Variants in UBR3 observed in about 807,000 individuals in gnomAD.
UBR3 encodes the protein ubiquitin protein ligase E3 component n-recognin 3, also known as E3 ubiquitin-protein ligase UBR3.
In UBR3, 85 loss-of-function variants were observed where a neutral mutation model predicts 243.2. The observed-to-expected ratio is 0.35, with a 90% CI of 0.29 to 0.42. The LOEUF (loss-of-function observed/expected upper bound fraction) is 0.42, where lower values mean the gene tolerates loss of function less well. Among genes scored for constraint, UBR3 ranks in the 10% least tolerant of loss-of-function variants. The pLI, the probability that UBR3 is intolerant of heterozygous loss-of-function variation, is 1.00. For missense variants in UBR3, 1,686 were observed against 2,300.8 expected, an observed-to-expected ratio of 0.73 and a Z score of 5.47; for synonymous variants, 748 against 799.8, an observed-to-expected ratio of 0.94 and a Z score of 1.09.
chr2:170,053,432 T>G (rs1043987592), intron 32 of UBR3, among the ~76,000 whole-genome samples: 1 of 152,204 alleles, frequency 6.6e-6, no homozygotes, highest in Non-Finnish European at 1.5e-5. Flanking sequence ...ACATCCTGTG[T>G]GGTTCTACTG....
intron 5 of UBR3, among the ~76,000 whole-genome samples, chr2:169,886,454 A>G (rs1204937278): frequency 6.6e-6 from 1 of 152,170 alleles, no homozygotes; most frequent in African/African-American, 2.4e-5. Context: ...ATATTGTGTT[A>G]AATATTGTAA....
chr2:169,903,585 T>C (rs1446175091), intron 8 of UBR3, among the ~76,000 whole-genome samples: 16 of 152,244 alleles, frequency 1.1e-4, no homozygotes, highest in Admixed American at 8.5e-4. Flanking sequence ...GTTAAACTTA[T>C]TTAATATTTG....
At chr2:169,846,735 TTAAAG>T (rs1331269397) in intron 1 of UBR3, among the ~76,000 whole-genome samples, 3 of 152,054 alleles carry the variant, frequency 2.0e-5, no homozygotes, top group Non-Finnish European at 4.4e-5. Context: ...AAATCTTCTT[TTAAAG>T]TATTTTTTTG....
chr2:169,925,879 A>C (rs967207298), intron 14 of UBR3, 132 bp downstream of exon 14: 3 of 890,364 alleles, frequency 3.4e-6, no homozygotes, highest in Non-Finnish European at 4.7e-6. Context: ...TTTTACTTAC[A>C]TTTCCCAGGA....
At chr2:169,945,726 A>G (rs1412811300) in intron 20 of UBR3, among the ~76,000 whole-genome samples, 1 of 152,170 alleles carries the variant, frequency 6.6e-6, no homozygotes, top group Non-Finnish European at 1.5e-5. Context: ...TAGCCCAGAA[A>G]TCCTGTGTAA....
chr2:170,022,525 C>T (rs1207765437), intron 30 of UBR3, among the ~76,000 whole-genome samples: 2 of 152,138 alleles, frequency 1.3e-5, no homozygotes, highest in South Asian at 2.1e-4. Flanking sequence ...AGTTTGAAGG[C>T]ATGGATTCTA....
At chr2:169,881,265 C>T (rs761300122) in intron 5 of UBR3, among the ~76,000 whole-genome samples, 7 of 151,592 alleles carry the variant, frequency 4.6e-5, no homozygotes, top group African/African-American at 7.3e-5. Flanking sequence ...CTGCAACCTC[C>T]ACCTCCCGGG....
At chr2:169,875,747 A>T in intron 2 of UBR3, 44 bp from the exon 3 acceptor site, 1 of 1,444,874 alleles carries the variant, frequency 6.9e-7, no homozygotes, top group South Asian at 1.5e-5. Context: ...AGATATTTTA[A>T]ACAAAATTAC....
intron 24 of UBR3, among the ~76,000 whole-genome samples, chr2:169,981,758 G>A (rs570190431): frequency 3.0e-4 from 46 of 152,058 alleles, no homozygotes; most frequent in African/African-American, 1.1e-3. Context: ...AGATGAAACT[G>A]TGGGGGGGAG....
chr2:170,024,539 C>T (rs1183857119), intron 30 of UBR3, among the ~76,000 whole-genome samples: 5 of 151,600 alleles, frequency 3.3e-5, no homozygotes, highest in African/African-American at 1.2e-4. Context: ...TATCTGTGTG[C>T]ATGTGTGTGT....
At chr2:169,870,698 G>C (rs1238032191) in intron 1 of UBR3, among the ~76,000 whole-genome samples, 2 of 151,310 alleles carry the variant, frequency 1.3e-5, no homozygotes, top group East Asian at 3.9e-4. Context: ...TAGTCACCCA[G>C]GCTGGAGTGC....
intron 8 of UBR3, among the ~76,000 whole-genome samples, chr2:169,899,305 T>A (rs1391739441): frequency 6.6e-6 from 1 of 152,214 alleles, no homozygotes; most frequent in Non-Finnish European, 1.5e-5. Flanking sequence ...TAAAGGAAAA[T>A]TTAAAAGCTG....
chr2:169,909,929 C>T (rs912610760), intron 10 of UBR3, among the ~76,000 whole-genome samples: 1 of 152,048 alleles, frequency 6.6e-6, no homozygotes, highest in African/African-American at 2.4e-5. Context: ...GTAGAATCTA[C>T]AGGCTTGGTG....
intron 27 of UBR3, among the ~76,000 whole-genome samples, chr2:170,002,775 A>G (rs1454640903): frequency 2.0e-5 from 3 of 152,072 alleles, no homozygotes; most frequent in Admixed American, 2.0e-4. Context: ...CCCATTCAGA[A>G]TCCTTCCCTG....
chr2:170,035,015 GT>G (rs2090786889), intron 31 of UBR3, among the ~76,000 whole-genome samples: 1 of 151,626 alleles, frequency 6.6e-6, no homozygotes, highest in African/African-American at 2.4e-5. Flanking sequence ...TTTTAATTGG[GT>G]TTTTTTCCTA....
chr2:170,038,078 GCATATACTACC>G (rs1364676983), intron 31 of UBR3, among the ~76,000 whole-genome samples: 1 of 152,064 alleles, frequency 6.6e-6, no homozygotes, highest in Non-Finnish European at 1.5e-5. Flanking sequence ...TTTTTCAGTT[GCATATACTACC>G]CCTATTTTAT....
intron 32 of UBR3, among the ~76,000 whole-genome samples, chr2:170,048,940 T>C (rs1359648670): frequency 6.6e-6 from 1 of 152,214 alleles, no homozygotes; most frequent in Non-Finnish European, 1.5e-5. Context: ...TAATTTTTAT[T>C]ATAATTGTTC....
At chr2:169,996,693 G>GTTTTTTTTTTTTTT (rs397871702) in intron 26 of UBR3, among the ~76,000 whole-genome samples, 1 of 64,478 alleles carries the variant, frequency 1.6e-5, no homozygotes, top group African/African-American at 5.1e-5. Flanking sequence ...TTGGACTTTT[G>GTTTTTTTTTTTTTT]TTTTTTTTTT....
At chr2:169,909,959 TGA>T (rs1039867414) in intron 10 of UBR3, among the ~76,000 whole-genome samples, 2 of 152,036 alleles carry the variant, frequency 1.3e-5, no homozygotes, top group Non-Finnish European at 2.9e-5. Flanking sequence ...ACATTGTTGA[TGA>T]GAGAGAGAGA....
Sources: allele counts gnomAD v4.1 joint callset (sites outside exome capture counted in the v4.1 genomes callset), GRCh38; gene constraint gnomAD v4.1.1; transcripts MANE v1.5; gene names NCBI Gene and HGNC (gene_info 2026-07-23, HGNC 2026-07-21).